Variants in NCOA1 observed in about 807,000 individuals in gnomAD.
NCOA1 encodes Hin-2 protein.
A neutral mutation model predicts 150.9 loss-of-function variants in NCOA1; 35 were observed. That is an observed-to-expected ratio of 0.23 (90% CI 0.18 to 0.31). NCOA1 has a LOEUF of 0.31. Ranked by LOEUF, NCOA1 falls within the 10% of genes least tolerant of loss-of-function variation. The pLI is 1.00. For synonymous variants in NCOA1, 590 were observed against 630.0 expected (o/e 0.94, Z 0.95); for missense variants, 1,491 against 1,749.3 (o/e 0.85, Z 2.63).
At chr2:24,761,759 A>T (rs1664803295) in intron 21 of NCOA1, among the ~76,000 whole-genome samples, 1 of 151,326 alleles carries the variant, frequency 6.6e-6, no homozygotes. Flanking sequence ...TGGAAGTTTG[A>T]TCCTTGCTTT....
intron 11 of NCOA1, among the ~76,000 whole-genome samples, chr2:24,704,449 A>G (rs958811059): frequency 6.6e-6 from 1 of 152,188 alleles, no homozygotes; most frequent in African/African-American, 2.4e-5. Flanking sequence ...TAATGGAGAC[A>G]ATAAATTTGA....
At chr2:24,580,682 T>G (rs1667158863) in intron 2 of NCOA1, among the ~76,000 whole-genome samples, 1 of 152,230 alleles carries the variant, frequency 6.6e-6, no homozygotes, top group Admixed American at 6.5e-5. Context: ...TCAGTTATTT[T>G]GTTGTTTCAA....
At position 24,636,878 on chromosome 2, in the gene NCOA1, C is replaced by G. The variant is rs1335081594; in HGVS notation, c.-174-7088C>G. Among the ~76,000 whole-genome samples, 3 of 151,590 alleles carry G rather than the reference C, an allele frequency of 2.0e-5. No individual in the cohort carries two copies. In the East Asian group the frequency reaches 5.8e-4, roughly 29 times the overall value. On this transcript the variant is annotated intron_variant, in intron 3 of 22. Coordinates refer to ENST00000348332, the MANE Select transcript of NCOA1 (RefSeq NM_003743.5). ...CATCCATTGAGTTTTTTTTAAGATT[C>G]TGTTAATATGGTAAATTATGTAGAT...
At chr2:24,565,720 G>A (rs962375229) in intron 2 of NCOA1, among the ~76,000 whole-genome samples, 7 of 152,306 alleles carry the variant, frequency 4.6e-5, no homozygotes, top group South Asian at 2.1e-4. Context: ...AAGGGCGAGC[G>A]GAGCAGCAGG....
chr2:24,706,700 C>T lies in NCOA1; in HGVS notation c.1230C>T (p.Asn410=). 4 of 1,614,168 alleles carry T rather than the reference C, an allele frequency of 2.5e-6. No individual in the cohort carries two copies. Among genetic ancestry groups the T allele is most frequent in the Non-Finnish European group, 3.4e-6 (4 of 1,180,014 alleles). The change falls in exon 13 of 23, where the codon AAC becomes AAT. Residue 410 remains asparagine, a synonymous_variant. Transcript: ENST00000348332. ...VARSSTLPPS[N]SNMVSTRINR... is the part of the protein sequence containing the mutation. ...GTTCATCCACATTGCCACCATCCAA[C>T]AGCAACATGGTATCCACCAGAATAA...
intron 2 of NCOA1, among the ~76,000 whole-genome samples, chr2:24,571,256 A>G (rs1558802730): frequency 1.3e-5 from 2 of 152,172 alleles, no homozygotes; most frequent in African/African-American, 2.4e-5. Context: ...AATATTCCCT[A>G]AACTTTTTGG....
At chr2:24,525,753 T>G (rs542750277) in intron 1 of NCOA1, among the ~76,000 whole-genome samples, 3 of 152,218 alleles carry the variant, frequency 2.0e-5, no homozygotes, top group Admixed American at 6.5e-5. Context: ...TTTGCCACGT[T>G]GGCCAGCTAG....
At chr2:24,568,185 T>A (rs748921674) in intron 2 of NCOA1, among the ~76,000 whole-genome samples, 3 of 152,236 alleles carry the variant, frequency 2.0e-5, no homozygotes, top group Non-Finnish European at 4.4e-5. Flanking sequence ...GTTTTACATT[T>A]GAACTTCAGA....
Position 24,707,143 on chromosome 2 carries a change from C to G in NCOA1, c.1673C>G (p.Ser558Cys). The change falls in exon 13 of 23, where the codon TCT becomes TGT. Residue 558 changes from serine (S) to cysteine (C), a missense_variant. Transcript: ENST00000348332. ...AACTCCGTTGGCTTCTCTGCCAGTTCTCCAGTCCTCAGGCAGATGAGCTCA... is the reference window on the plus strand; with the variant it reads ...AACTCCGTTGGCTTCTCTGCCAGTTGTCCAGTCCTCAGGCAGATGAGCTCA... Reference protein sequence around the residue: ...PNNSVGFSASSPVLRQMSSQN... With the variant: ...PNNSVGFSASCPVLRQMSSQN... 6.2e-7 allele frequency: 1 copy of G among 1,614,196 alleles called. No homozygotes were observed.
At chr2:24,705,288 T>G (rs955226245) in intron 12 of NCOA1, 55 bp downstream of exon 12, 8 of 1,549,150 alleles carry the variant, frequency 5.2e-6, no homozygotes, top group Non-Finnish European at 6.2e-6. Flanking sequence ...ATATCTCTTA[T>G]TAGAGAAATT....
chr2:24,550,483 A>T (rs561931452), intron 1 of NCOA1, among the ~76,000 whole-genome samples: 3 of 151,036 alleles, frequency 2.0e-5, no homozygotes, highest in South Asian at 4.2e-4. Flanking sequence ...GTGCTGGGAA[A>T]CTCCCCCTTA....
intron 1 of NCOA1, among the ~76,000 whole-genome samples, chr2:24,539,299 A>G (rs1665293591): frequency 6.6e-6 from 1 of 152,166 alleles, no homozygotes; most frequent in African/African-American, 2.4e-5. Flanking sequence ...CTAGAATACT[A>G]TAATAAAAAG....
intron 3 of NCOA1, among the ~76,000 whole-genome samples, chr2:24,626,029 C>T (rs980060122): frequency 2.0e-5 from 3 of 152,166 alleles, no homozygotes; most frequent in Admixed American, 2.0e-4. Flanking sequence ...GGTGGCTGAT[C>T]AGATCTACCA....
At chr2:24,523,605 C>CAAAAAA (rs979559677) in intron 1 of NCOA1, among the ~76,000 whole-genome samples, 226 of 17,684 alleles carry the variant, frequency 0.013, 36 homozygotes, top group East Asian at 0.029. Context: ...GACTCCGTCT[C>CAAAAAA]AAAAAAAAAA....
intron 8 of NCOA1, among the ~76,000 whole-genome samples, chr2:24,685,463 T>A (rs1672358033): frequency 6.6e-6 from 1 of 152,216 alleles, no homozygotes; most frequent in Admixed American, 6.5e-5. Flanking sequence ...CATAGACTTA[T>A]TTGTGAAATT....
In NCOA1 at chr2:24,658,724, C is replaced by T; in HGVS notation, c.47C>T (p.Ser16Leu). ...TCATCCGACCCTGCTAACCCAGACT[C>T]ACATAAGAGGAAAGGATCGCCATGT... ...DSSSDPANPD[S>L]HKRKGSPCDT... The change falls in exon 5 of 23, where the codon TCA (serine) becomes TTA (leucine). Residue 16 changes from serine (S) to leucine (L), a missense_variant. Coordinates refer to ENST00000348332, the MANE Select transcript of NCOA1 (RefSeq NM_003743.5). 6.2e-7 allele frequency: 1 copy of T among 1,614,090 alleles called. No homozygotes were observed. Among genetic ancestry groups the T allele is most frequent in the Non-Finnish European group, 8.5e-7 (1 of 1,179,974 alleles).
chr2:24,644,752 G>A (rs1670388252), intron 4 of NCOA1, among the ~76,000 whole-genome samples: 1 of 151,912 alleles, frequency 6.6e-6, no homozygotes, highest in South Asian at 2.1e-4. Flanking sequence ...AAAACTTCCA[G>A]GAGAAAATTT....
chr2:24,601,874 A>T (rs1454888357), intron 3 of NCOA1, among the ~76,000 whole-genome samples: 1 of 149,202 alleles, frequency 6.7e-6, no homozygotes, highest in Admixed American at 6.7e-5. Flanking sequence ...GAGCTCAGGC[A>T]GTCCACCTCC....
At chr2:24,516,783 T>C (rs1317635059) in intron 1 of NCOA1, among the ~76,000 whole-genome samples, 2 of 148,228 alleles carry the variant, frequency 1.3e-5, no homozygotes, top group African/African-American at 2.5e-5. Flanking sequence ...GTTGCCTCTC[T>C]GGCCTTCATT....
Sources: allele counts gnomAD v4.1 joint callset (sites outside exome capture counted in the v4.1 genomes callset), GRCh38; gene constraint gnomAD v4.1.1; transcripts MANE v1.5; gene names NCBI Gene and HGNC (gene_info 2026-07-23, HGNC 2026-07-21).